Variants in JMJD1C observed in about 807,000 individuals in gnomAD.
JMJD1C encodes jumonji domain-containing protein 1C.
A neutral mutation model predicts 245.3 loss-of-function variants in JMJD1C; 31 were observed. The ratio of observed to expected loss-of-function variants is 0.13; its 90% CI spans 0.09 to 0.17. The LOEUF (loss-of-function observed/expected upper bound fraction) is 0.17, where lower values mean the gene tolerates loss of function less well. JMJD1C is among the 10% of genes least tolerant of loss of function. JMJD1C has a pLI of 1.00. For missense variants in JMJD1C, 2,691 were observed against 3,000.2 expected (o/e 0.90, Z 2.41); for synonymous variants, 1,057 against 1,017.4 (o/e 1.04, Z -0.74).
At chr10:63,319,169 A>AT (rs1352618630) in intron 2 of JMJD1C, among the ~76,000 whole-genome samples, 4 of 149,598 alleles carry the variant, frequency 2.7e-5, no homozygotes, top group African/African-American at 9.8e-5. Context: ...AGGCAGGAGA[A>AT]TGGCGTGAAC....
rs140460781 is a variant in JMJD1C, at chr10:63,220,836, C to T, written c.448-853G>A. 6.1e-4 allele frequency among the ~76,000 whole-genome samples: 92 copies of T among 151,446 alleles called. No homozygotes were observed. In the East Asian group the frequency reaches 0.012, roughly 20 times the overall value. On this transcript the variant is annotated intron_variant, in intron 3 of 25. Coordinates refer to ENST00000399262, the MANE Select transcript of JMJD1C (RefSeq NM_032776.3). Reference sequence around the variant, plus strand: ...TAAAGTGGACAGGCAGGGCCGGGCGCGGTGGCTCACGCCTGTAATCCCAGC... The same window carrying T: ...TAAAGTGGACAGGCAGGGCCGGGCGTGGTGGCTCACGCCTGTAATCCCAGC...
At chr10:63,409,657 C>G (rs559310686) in intron 1 of JMJD1C, among the ~76,000 whole-genome samples, 9 of 152,312 alleles carry the variant, frequency 5.9e-5, no homozygotes, top group East Asian at 1.9e-4. Context: ...ATGACATTAT[C>G]AGTGTGGCAC....
At chr10:63,348,537 C>T (rs990939200) in intron 2 of JMJD1C, among the ~76,000 whole-genome samples, 7 of 152,170 alleles carry the variant, frequency 4.6e-5, no homozygotes, top group South Asian at 2.1e-4. Flanking sequence ...ATGCAGGTCG[C>T]CTATCTCATG....
intron 2 of JMJD1C, among the ~76,000 whole-genome samples, chr10:63,310,614 T>C (rs903458789): frequency 6.6e-6 from 1 of 152,234 alleles, no homozygotes; most frequent in Admixed American, 6.5e-5. Context: ...TGAAATTAAC[T>C]TGATAAATTG....
intron 1 of JMJD1C, among the ~76,000 whole-genome samples, chr10:63,402,182 A>G (rs1025247916): frequency 2.0e-5 from 3 of 152,036 alleles, no homozygotes; most frequent in African/African-American, 7.2e-5. Context: ...ATTGTTTTCA[A>G]AAGCAAACAT....
chr10:63,381,779 G>A (rs755548866), intron 1 of JMJD1C, among the ~76,000 whole-genome samples: 9 of 152,118 alleles, frequency 5.9e-5, no homozygotes, highest in Non-Finnish European at 1.0e-4. Context: ...ATGACAGGGA[G>A]ATAAACCATA....
intron 2 of JMJD1C, among the ~76,000 whole-genome samples, chr10:63,365,975 G>C (rs1945803382): frequency 6.6e-6 from 1 of 152,148 alleles, no homozygotes; most frequent in Non-Finnish European, 1.5e-5. Flanking sequence ...GATTTACAAT[G>C]GGAAGTACCC....
intron 1 of JMJD1C, among the ~76,000 whole-genome samples, chr10:63,402,076 A>G (rs1948892189): frequency 6.6e-6 from 1 of 151,362 alleles, no homozygotes; most frequent in Non-Finnish European, 1.5e-5. Context: ...AGAGTTTGCA[A>G]TGAGCCCAGA....
chr10:63,385,819 T>C (rs1947547831), intron 1 of JMJD1C, among the ~76,000 whole-genome samples: 1 of 152,102 alleles, frequency 6.6e-6, no homozygotes, highest in Non-Finnish European at 1.5e-5. Context: ...AAAAAATGTA[T>C]ATTTACTTAT....
chr10:63,269,548 A>T (rs1004100488), intron 2 of JMJD1C, among the ~76,000 whole-genome samples: 2 of 152,258 alleles, frequency 1.3e-5, no homozygotes, highest in Non-Finnish European at 2.9e-5. Flanking sequence ...AAAATAAAGC[A>T]TCAAATATAC....
At chr10:63,212,858 A>G (rs995653999) in intron 8 of JMJD1C, among the ~76,000 whole-genome samples, 1 of 150,934 alleles carries the variant, frequency 6.6e-6, no homozygotes, top group Admixed American at 6.6e-5. Flanking sequence ...ATTATTGCAT[A>G]ATTATAATTA....
intron 1 of JMJD1C, among the ~76,000 whole-genome samples, chr10:63,401,753 TCA>T (rs999331509): frequency 1.1e-4 from 16 of 152,108 alleles, no homozygotes; most frequent in African/African-American, 3.9e-4. Flanking sequence ...AACCTAGTCA[TCA>T]TTGGGATGGT....
chr10:63,499,157 T>C (rs1362253339), intron 1 of JMJD1C, among the ~76,000 whole-genome samples: 1 of 152,240 alleles, frequency 6.6e-6, no homozygotes, highest in Non-Finnish European at 1.5e-5. Context: ...TTGGTTATTC[T>C]GAATAGTGCT....
chr10:63,354,246 T>A (rs891757481), intron 2 of JMJD1C, among the ~76,000 whole-genome samples: 3 of 152,218 alleles, frequency 2.0e-5, no homozygotes, highest in African/African-American at 2.4e-5. Flanking sequence ...ATGAATCAAT[T>A]GTCCCCACAA....
chr10:63,256,813 C>T (rs983094679), intron 3 of JMJD1C, among the ~76,000 whole-genome samples: 5 of 152,118 alleles, frequency 3.3e-5, no homozygotes, highest in Non-Finnish European at 4.4e-5. Flanking sequence ...AACAAGGCAC[C>T]TCTAAATTTT....
chr10:63,317,624 A>G (rs1489737355), intron 2 of JMJD1C, among the ~76,000 whole-genome samples: 3 of 152,178 alleles, frequency 2.0e-5, no homozygotes, highest in African/African-American at 7.2e-5. Context: ...GCAAATATGA[A>G]AACATTTCGT....
chr10:63,403,059 A>T (rs1274369295), intron 1 of JMJD1C, among the ~76,000 whole-genome samples: 1 of 152,166 alleles, frequency 6.6e-6, no homozygotes, highest in Non-Finnish European at 1.5e-5. Flanking sequence ...AAACCAAAAG[A>T]AAGTTAAGGA....
intron 2 of JMJD1C, among the ~76,000 whole-genome samples, chr10:63,297,503 C>T (rs1859590131): frequency 6.6e-6 from 1 of 152,232 alleles, no homozygotes; most frequent in South Asian, 2.1e-4. Context: ...GGATGCAGGA[C>T]AAGAACTCTG....
intron 2 of JMJD1C, among the ~76,000 whole-genome samples, chr10:63,277,791 G>A (rs1454670188): frequency 8.3e-6 from 1 of 120,384 alleles, no homozygotes; most frequent in African/African-American, 3.4e-5. Context: ...AGGCTGGAGT[G>A]CAATCTTGTG....
Sources: allele counts gnomAD v4.1 joint callset (sites outside exome capture counted in the v4.1 genomes callset), GRCh38; gene constraint gnomAD v4.1.1; transcripts MANE v1.5; gene names NCBI Gene and HGNC (gene_info 2026-07-23, HGNC 2026-07-21).